CHD8: variants seen among roughly 807,000 people sequenced by gnomAD.
The protein encoded by CHD8 is ATP-dependent chromatin remodeler CHD8.
A neutral mutation model predicts 279.2 loss-of-function variants in CHD8; 31 were observed. The observed-to-expected ratio is 0.11, with a 90% confidence interval of 0.08 to 0.15. The LOEUF is 0.15. Ranked by LOEUF, CHD8 falls within the 10% of genes least tolerant of loss-of-function variation. The pLI is 1.00. For missense variants in CHD8, 2,146 were observed against 3,230.5 expected, an observed-to-expected ratio of 0.66 and a Z score of 8.14; for synonymous variants, 1,081 against 1,139.6, an observed-to-expected ratio of 0.95 and a Z score of 1.04.
chr14:21,404,513 G>C (rs1888179096), intron 16 of CHD8, among the ~76,000 whole-genome samples: 2 of 151,922 alleles, frequency 1.3e-5, no homozygotes, highest in African/African-American at 4.8e-5. Context: ...ATGTGGACAA[G>C]GACTAAGATG....
chr14:21,388,245 AAT>A (rs1414675716), intron 37 of CHD8, among the ~76,000 whole-genome samples: 3 of 152,238 alleles, frequency 2.0e-5, no homozygotes, highest in African/African-American at 7.2e-5. Flanking sequence ...TAGACACATA[AAT>A]ATATGTGTAT....
chr14:21,394,697 C>CAAAT, intron 30 of CHD8: 1 of 626,140 alleles, frequency 1.6e-6, no homozygotes, highest in Non-Finnish European at 2.7e-6. Flanking sequence ...AAGACACAGA[C>CAAAT]AAATATCAAT....
In CHD8 at chr14:21,400,744, C is replaced by T; in HGVS notation, c.4370+131G>A. ...GTAACAGAATAAACAGAACAAACTC[C>T]CTCCAAGGCAAATATTTTTTCACAT... On this transcript the variant is annotated intron_variant, in intron 22 of 37. Transcript: ENST00000646647. The surrounding 1 kb of genome is among the most constrained non-coding windows in gnomAD (Gnocchi z 4.2). The T allele has an allele frequency of 7.8e-7, 1 of 1,277,032 alleles. No individual in the cohort carries two copies. 79.1% of individuals were successfully genotyped at this position (1,277,032 alleles called of 1,614,324 possible).
Position 21,403,336 on chromosome 14 carries a change from G to A in CHD8, c.3518+117C>T, listed in dbSNP as rs1888113933. On this transcript the variant is annotated intron_variant, in intron 17 of 37. Coordinates refer to ENST00000646647, the MANE Select transcript of CHD8 (RefSeq NM_001170629.2). The surrounding 1 kb of genome is among the most constrained non-coding windows in gnomAD (Gnocchi z 4.3). ...GGTCAAAAACCCAAGTTGAGAGTGA[G>A]AATCTTAAAAACTTCTCTTATTGCA... The A allele has an allele frequency of 7.1e-6, 9 of 1,269,674 alleles. No individual in the cohort carries two copies. Among genetic ancestry groups the A allele is most frequent in the African/African-American group, 3.0e-5 (2 of 66,478 alleles). The allele number at this position is 1,269,674 out of a possible 1,614,324, so 78.7% of individuals were successfully genotyped here.
intron 5 of CHD8, chr14:21,416,591 C>A (rs891799954): frequency 6.7e-6 from 1 of 149,156 alleles, no homozygotes; most frequent in East Asian, 2.0e-4. Flanking sequence ...CATGGTGAAA[C>A]CCCGTCTCTG....
chr14:21,440,559 G>A (rs1024552926), intron 1 of CHD8, among the ~76,000 whole-genome samples: 2 of 152,154 alleles, frequency 1.3e-5, no homozygotes, highest in South Asian at 2.1e-4. Context: ...GGAGGGAAAG[G>A]TGGGCTGTAA....
intron 1 of CHD8, chr14:21,437,244 CCA>C: frequency 2.6e-6 from 3 of 1,173,896 alleles, no homozygotes; most frequent in Non-Finnish European, 3.2e-6. Context: ...CTCTCCAGCA[CCA>C]GTTCCCCCTC....
chr14:21,446,686 G>C (rs1015935904), intron 1 of CHD8, among the ~76,000 whole-genome samples: 1 of 152,176 alleles, frequency 6.6e-6, no homozygotes, highest in Admixed American at 6.5e-5. Flanking sequence ...GGCACAAAGA[G>C]ATAATACCTT....
At chr14:21,390,363 G>A (rs893672854) in intron 37 of CHD8, among the ~76,000 whole-genome samples, 22 of 152,186 alleles carry the variant, frequency 1.4e-4, no homozygotes, top group African/African-American at 5.3e-4. Context: ...AGATCTGAAT[G>A]TTCTCTCTAA....
Position 21,385,603 on chromosome 14 carries a change from T to A in CHD8, c.*10A>T. 1 of 1,548,528 alleles carries A rather than the reference T, an allele frequency of 6.5e-7. No homozygotes were observed. The highest frequency in any genetic ancestry group is 8.7e-7 in the Non-Finnish European group (1 of 1,145,098). On this transcript the variant is annotated 3_prime_UTR_variant, in exon 38 of 38. Transcript: ENST00000646647. ...GCAGCCGCCCAAGCAATGGGGCCCA[T>A]GCTGGGGCTTCAGTCATCAGCATCT...
chr14:21,395,766 T>C, intron 28 of CHD8, 51 bp downstream of exon 28: 1 of 1,098,568 alleles, frequency 9.1e-7, no homozygotes. Flanking sequence ...GTTGAAGACT[T>C]AAAACTATTT....
chr14:21,424,108 C>T (rs1889183691), intron 5 of CHD8, among the ~76,000 whole-genome samples: 1 of 152,142 alleles, frequency 6.6e-6, no homozygotes, highest in Admixed American at 6.5e-5. Flanking sequence ...CTCCACCGGA[C>T]AGTTACTTTA....
rs372313444 is a variant in CHD8 at position 21,399,570 on chromosome 14, C to T, written c.4921+32G>A. 43 of 1,456,794 alleles carry T rather than the reference C, an allele frequency of 3.0e-5. 1 individual carries two copies. Among genetic ancestry groups the T allele is most frequent in the Middle Eastern group, 3.4e-4 (2 of 5,814 alleles). 90.2% of individuals were successfully genotyped at this position (1,456,794 alleles called of 1,614,324 possible). A position where few individuals can be genotyped will look rare whatever the true frequency, so the allele number is the denominator to read the frequency against. On this transcript the variant is annotated intron_variant, in intron 26 of 37. Transcript: ENST00000646647. ...CCATCCGTGAACATAAATCTTCAGT[C>T]GGAAAGGAGTAGAATAGGAGAAGAT...
chr14:21,439,538 G>T (rs1889903632), intron 1 of CHD8, among the ~76,000 whole-genome samples: 1 of 152,130 alleles, frequency 6.6e-6, no homozygotes, highest in African/African-American at 2.4e-5. Flanking sequence ...AAACTAAGTG[G>T]CAAGTTAGGA....
At chr14:21,399,295 A>G in intron 26 of CHD8, 1 of 348,058 alleles carries the variant, frequency 2.9e-6, no homozygotes, top group Admixed American at 4.0e-5. Flanking sequence ...GGGGTATATT[A>G]CCTGCCCTGA....
intron 10 of CHD8, among the ~76,000 whole-genome samples, chr14:21,410,512 G>A (rs1185282319): frequency 6.6e-6 from 1 of 152,090 alleles, no homozygotes; most frequent in Non-Finnish European, 1.5e-5. Flanking sequence ...GCTAACAAGA[G>A]GTTATCACCA....
chr14:21,390,996 C>T lies in CHD8; in HGVS notation c.7133G>A (p.Cys2378Tyr). Residue 2378 changes from cysteine (C) to tyrosine (Y), a missense_variant, in exon 37 of 38, where the codon TGT (cysteine) becomes TAT (tyrosine). Cys to Tyr is a radical substitution (Grantham distance 194). Around this residue, in one of 26 missense-constraint regions of CHD8, gnomAD observed 336 missense variants for 392.9 expected, o/e 0.86. Coordinates refer to ENST00000646647, the MANE Select transcript of CHD8 (RefSeq NM_001170629.2). ...TGTCTGTACTGGTTCCATTCCCAAA[C>T]AGTTCAATTCTGCCTTATTATTTTT... ...CKKNNKAELN[C>Y]LGMEPVQTAN... The T allele has an allele frequency of 1.2e-6, 2 of 1,606,654 alleles. No homozygotes were observed. Among genetic ancestry groups the T allele is most frequent in the Non-Finnish European group, 1.7e-6 (2 of 1,176,318 alleles).
rs1362977828 is a variant in CHD8, at chr14:21,430,957, A to G, written c.687T>C (p.Pro229=). Residue 229 remains proline (P), a synonymous_variant, in exon 2 of 38, where the codon CCT becomes CCC. Coordinates refer to ENST00000646647, the MANE Select transcript of CHD8 (RefSeq NM_001170629.2). The stretch of plus-strand genomic sequence containing the variant: ...TGCGCTGAACAGCAGCCTGGTTCCC[A>G]GGGACCTTGGCGGCCAACACTGTAT... ...SGNTVLAAKV[P]GNQAAVQRIV... is the part of the protein sequence containing the mutation. The G allele has an allele frequency of 6.3e-7, 1 of 1,599,582 alleles. No homozygotes were observed. Among genetic ancestry groups the G allele is most frequent in the Non-Finnish European group, 8.5e-7 (1 of 1,179,818 alleles).
At position 21,394,601 on chromosome 14, in the gene CHD8, G is replaced by A. The variant is rs61973167; in HGVS notation, c.5391-116C>T. 0.087 allele frequency: 6,589 copies of A among 75,864 alleles called. 129 individuals are homozygous for A. Among genetic ancestry groups the A allele is most frequent in the African/African-American group, 0.16 (2,121 of 13,058 alleles). The allele number at this position is 75,864 out of a possible 1,614,324, so 4.7% of individuals were successfully genotyped here. On this transcript the variant is annotated intron_variant, in intron 30 of 37. Transcript: ENST00000646647. Reference sequence around the variant, plus strand: ...TCTGAAAACACAAAAATTGAAAGTAGACGCAAAAAAAAAAAAAAAAAAAGG... The same window carrying A: ...TCTGAAAACACAAAAATTGAAAGTAAACGCAAAAAAAAAAAAAAAAAAAGG...
Sources: allele counts gnomAD v4.1 joint callset (sites outside exome capture counted in the v4.1 genomes callset), GRCh38; gene constraint gnomAD v4.1.1; regional missense constraint gnomAD v4.1.1; non-coding constraint Gnocchi (gnomAD v3.1); transcripts MANE v1.5; gene names NCBI Gene and HGNC (gene_info 2026-07-23, HGNC 2026-07-21).